The following EYS variants were observed in gnomAD, a reference collection of about 807,000 sequenced individuals.
EYS encodes protein eyes shut homolog.
A neutral mutation model predicts 282.1 loss-of-function variants in EYS; 250 were observed. The observed-to-expected ratio is 0.89, with a 90% CI of 0.80 to 0.98. The LOEUF (loss-of-function observed/expected upper bound fraction) is 0.98, where lower values mean the gene tolerates loss of function less well. EYS is among the 50% of genes least tolerant of loss of function. The pLI, the probability that EYS is intolerant of heterozygous loss-of-function variation, is 0.00. For synonymous variants in EYS, 1,355 were observed against 1,282.9 expected (o/e 1.06, Z -1.20); for missense variants, 4,016 against 3,709.0 (o/e 1.08, Z -2.15).
chr6:64,271,373 T>C (rs548399227), intron 30 of EYS, among the ~76,000 whole-genome samples: 9 of 152,188 alleles, frequency 5.9e-5, no homozygotes, highest in Non-Finnish European at 1.5e-5. Flanking sequence ...TCATTTGTCA[T>C]TTTTGTATGT....
chr6:65,159,105 A>G (rs548745797), intron 12 of EYS, among the ~76,000 whole-genome samples: 106 of 150,992 alleles, frequency 7.0e-4, no homozygotes, highest in African/African-American at 2.5e-3. Flanking sequence ...TATGTTGGAA[A>G]TCTGTCTAAA....
chr6:65,616,836 A>C (rs955934665), intron 2 of EYS, among the ~76,000 whole-genome samples: 2 of 152,182 alleles, frequency 1.3e-5, no homozygotes, highest in Non-Finnish European at 2.9e-5. Context: ...ACGAAGAAAA[A>C]ATAAATACGT....
intron 9 of EYS, among the ~76,000 whole-genome samples, chr6:65,347,385 T>C (rs1166385853): frequency 6.6e-6 from 1 of 151,800 alleles, no homozygotes; most frequent in Non-Finnish European, 1.5e-5. Flanking sequence ...ATTGATATAT[T>C]CTCGATCCTA....
intron 8 of EYS, among the ~76,000 whole-genome samples, chr6:65,356,659 A>C (rs928402527): frequency 3.3e-5 from 5 of 152,192 alleles, no homozygotes; most frequent in Admixed American, 3.3e-4. Flanking sequence ...TGAAGATATT[A>C]TAACTTTAGA....
chr6:64,020,534 G>A (rs1769139605), intron 33 of EYS, among the ~76,000 whole-genome samples: 1 of 152,130 alleles, frequency 6.6e-6, no homozygotes, highest in Non-Finnish European at 1.5e-5. Flanking sequence ...GCTTCATGGG[G>A]TGCAAATAGA....
chr6:65,146,972 C>A (rs994682679), intron 12 of EYS, among the ~76,000 whole-genome samples: 4 of 151,886 alleles, frequency 2.6e-5, no homozygotes, highest in African/African-American at 7.2e-5. Context: ...TCATTGTGTC[C>A]TGTAAGCTTT....
chr6:64,018,759 GTTTTTTTT>G (rs1163533009), intron 33 of EYS, among the ~76,000 whole-genome samples: 3 of 53,860 alleles, frequency 5.6e-5, no homozygotes, highest in African/African-American at 7.5e-5. Context: ...CATCACAAGT[GTTTTTTTT>G]TTTTTTTTTT....
At chr6:64,044,882 G>C (rs1275255272) in intron 33 of EYS, among the ~76,000 whole-genome samples, 1 of 152,064 alleles carries the variant, frequency 6.6e-6, no homozygotes, top group Non-Finnish European at 1.5e-5. Flanking sequence ...CAAACCAAAT[G>C]ACAAATATAA....
At chr6:64,912,351 G>C (rs1768025427) in intron 16 of EYS, 133 bp downstream of exon 16, 1 of 671,600 alleles carries the variant, frequency 1.5e-6, no homozygotes, top group South Asian at 2.0e-5. Flanking sequence ...TTTGAAGTTA[G>C]ATAGTCCCCT....
At chr6:63,911,847 A>G (rs1349447153) in intron 35 of EYS, among the ~76,000 whole-genome samples, 1 of 152,200 alleles carries the variant, frequency 6.6e-6, no homozygotes, top group Non-Finnish European at 1.5e-5. Flanking sequence ...TGTCCTTCTT[A>G]TGTATCTCAA....
chr6:65,500,609 TCATTTAC>T (rs1766416126), intron 2 of EYS, among the ~76,000 whole-genome samples: 1 of 152,000 alleles, frequency 6.6e-6, no homozygotes, highest in Non-Finnish European at 1.5e-5. Flanking sequence ...AGTTAAAATC[TCATTTAC>T]TACATCAACT....
chr6:64,656,109 T>C (rs1364584526), intron 22 of EYS, among the ~76,000 whole-genome samples: 9 of 152,160 alleles, frequency 5.9e-5, no homozygotes, highest in African/African-American at 1.7e-4. Context: ...TGAGGTATTG[T>C]AGGTTTCATA....
intron 41 of EYS, among the ~76,000 whole-genome samples, chr6:63,742,270 T>A (rs1769094927): frequency 6.6e-6 from 1 of 152,172 alleles, no homozygotes; most frequent in Non-Finnish European, 1.5e-5. Context: ...TATCTTGGTG[T>A]GCACCTCTGT....
intron 18 of EYS, among the ~76,000 whole-genome samples, chr6:64,898,923 T>C (rs188083824): frequency 3.3e-5 from 5 of 151,824 alleles, no homozygotes; most frequent in South Asian, 2.1e-4. Context: ...CAAATATATA[T>C]GCATACAATA....
chr6:64,889,480 T>C (rs904910178), intron 18 of EYS, among the ~76,000 whole-genome samples: 1 of 151,974 alleles, frequency 6.6e-6, no homozygotes, highest in Admixed American at 6.6e-5. Context: ...CCTTTGTTAG[T>C]TTTTACTAAA....
chr6:64,301,734 T>G (rs1367768766), intron 30 of EYS, among the ~76,000 whole-genome samples: 2 of 152,210 alleles, frequency 1.3e-5, no homozygotes, highest in Non-Finnish European at 2.9e-5. Context: ...CCTTCAGTTC[T>G]TATCTGGTAC....
At chr6:64,093,341 G>C (rs542037127) in intron 31 of EYS, among the ~76,000 whole-genome samples, 1 of 152,146 alleles carries the variant, frequency 6.6e-6, no homozygotes, top group Non-Finnish European at 1.5e-5. Flanking sequence ...AAATTACCTC[G>C]GGCAGTATGG....
intron 18 of EYS, among the ~76,000 whole-genome samples, chr6:64,894,350 G>T (rs778526332): frequency 6.6e-6 from 1 of 152,118 alleles, no homozygotes; most frequent in Non-Finnish European, 1.5e-5. Context: ...TGCAAAATGA[G>T]CAAATAAACA....
chr6:64,848,512 C>G (rs9354165), intron 19 of EYS, among the ~76,000 whole-genome samples: 23,158 of 151,934 alleles, frequency 0.15, 2,000 homozygotes, highest in East Asian at 0.43. Context: ...GGAGATTGAA[C>G]AGAGAGACTG....
Sources: gnomAD v4.1 joint callset for allele counts (sites outside exome capture counted in the v4.1 genomes callset) on GRCh38, gnomAD v4.1.1 for gene constraint, MANE v1.5 for transcripts, NCBI Gene and HGNC (gene_info 2026-07-23, HGNC 2026-07-21) for gene names.